DEPDC7: variants seen among roughly 807,000 people sequenced by gnomAD.
DEPDC7 encodes the protein DEP domain containing 7.
A neutral mutation model predicts 56.6 loss-of-function variants in DEPDC7; 41 were observed. The ratio of observed to expected loss-of-function variants is 0.72; its 90% CI spans 0.56 to 0.94. DEPDC7 has a LOEUF of 0.94. DEPDC7 is among the 40% of genes least tolerant of loss of function. The pLI is 0.00. For synonymous variants in DEPDC7, 185 were observed against 208.8 expected (o/e 0.89, Z 0.98); for missense variants, 522 against 596.3 (o/e 0.88, Z 1.30).
intron 1 of DEPDC7, 97 bp downstream of exon 1, chr11:33,016,125 G>C (rs1590205190): frequency 4.8e-6 from 6 of 1,240,798 alleles, no homozygotes; most frequent in Non-Finnish European, 6.0e-6. Flanking sequence ...GCGTTCGGCC[G>C]CCTGCGCCTG....
At chr11:33,031,258 A>G in intron 4 of DEPDC7, 120 bp from the exon 5 acceptor site, 1 of 698,392 alleles carries the variant, frequency 1.4e-6, no homozygotes, top group East Asian at 2.7e-5. Flanking sequence ...GCTCATGTAG[A>G]AATTTATCCT....
intron 1 of DEPDC7, 111 bp downstream of exon 1, chr11:33,016,139 ACGGCCGGCTGGGCGAGCACAG>A (rs1189870027): frequency 8.1e-7 from 1 of 1,235,454 alleles, no homozygotes; most frequent in African/African-American, 1.6e-5. Flanking sequence ...GCGCCTGTCA[ACGGCCGGCTGGGCGAGCACAG>A]CACAGCTGCG....
chr11:33,033,126 T>C (rs113112527), intron 8 of DEPDC7, 136 bp from the exon 9 acceptor site: 14 of 873,844 alleles, frequency 1.6e-5, no homozygotes, highest in African/African-American at 8.6e-5. Context: ...TGTTAGAAAG[T>C]CAGCAGTGCT....
At chr11:33,018,638 A>G (rs556021114) in intron 1 of DEPDC7, among the ~76,000 whole-genome samples, 1 of 152,322 alleles carries the variant, frequency 6.6e-6, no homozygotes, top group Admixed American at 6.5e-5. Context: ...AAGAGGAAGA[A>G]AGATACCTCC....
Position 33,025,952 on chromosome 11 carries a change from A to G in DEPDC7, c.367A>G (p.Thr123Ala). Reference protein sequence around the residue: ...TKVFGKDKKPTFEDSSCSLYR... With the variant: ...TKVFGKDKKPAFEDSSCSLYR... ...AGTCTTTGGAAAAGACAAAAAACCTACATTTGAAGATAGTAGTTGCAGCCT... is the reference window on the plus strand; with the variant it reads ...AGTCTTTGGAAAAGACAAAAAACCTGCATTTGAAGATAGTAGTTGCAGCCT... Residue 123 changes from threonine (T) to alanine (A), a missense_variant, in exon 2 of 9, where the codon ACA (threonine) becomes GCA (alanine). By Grantham distance (58) the Thr-to-Ala change is moderately conservative (BLOSUM62 0). Transcript: ENST00000241051. 2 of 1,614,140 alleles carry G rather than the reference A, an allele frequency of 1.2e-6. No homozygotes were observed. The highest frequency in any genetic ancestry group is 1.3e-5 in the African/African-American group (1 of 75,042).
Position 33,031,392 on chromosome 11 carries a change from T to C in DEPDC7, c.797T>C (p.Leu266Pro). ...AYSDSQEDEW[L>P]SAAIDCLEYL... ...CTCCCCTATAGGGAAGATGAGTGGC[T>C]CTCGGCAGCAATTGACTGTTTAGAA... is the stretch of plus-strand genomic sequence containing the variant. Residue 266 changes from leucine to proline, a missense_variant, in exon 5 of 9, where the codon CTC (leucine) becomes CCC (proline). Coordinates refer to ENST00000241051, the MANE Select transcript of DEPDC7 (RefSeq NM_001077242.2). 1 of 1,614,094 alleles carries C rather than the reference T, an allele frequency of 6.2e-7. No homozygotes were observed. The highest frequency in any genetic ancestry group is 1.1e-5 in the South Asian group (1 of 91,084).
chr11:33,018,135 T>C (rs1308344882), intron 1 of DEPDC7, among the ~76,000 whole-genome samples: 1 of 152,216 alleles, frequency 6.6e-6, no homozygotes, highest in African/African-American at 2.4e-5. Flanking sequence ...GCATGACGCC[T>C]CTAATGCCAA....
chr11:33,025,791 C>G lies in DEPDC7; in HGVS notation c.206C>G (p.Ser69Ter). 6.2e-7 allele frequency: 1 copy of G among 1,614,158 alleles called. No homozygotes were observed. Among genetic ancestry groups the G allele is most frequent in the Non-Finnish European group, 8.5e-7 (1 of 1,180,030 alleles). ...LKRHNDCFVG[S>*]EAVDVIFSHL... ...CGACATAATGACTGCTTTGTTGGTT[C>G]AGAAGCTGTGGATGTCATTTTTTCT... The change falls in exon 2 of 9, where the codon TCA (serine) becomes TGA (stop). Residue 69 changes from serine to a stop codon, truncating the protein, a stop_gained. Transcript: ENST00000241051. LOFTEE classifies it high-confidence loss of function.
chr11:33,027,740 C>G lies in DEPDC7; in HGVS notation c.519C>G (p.Asp173Glu), dbSNP rs757109741. 9 of 1,576,500 alleles carry G rather than the reference C, an allele frequency of 5.7e-6. No individual in the cohort carries two copies. Among genetic ancestry groups the G allele is most frequent in the Non-Finnish European group, 6.9e-6 (8 of 1,166,530 alleles). ...SSDIRSASLE[D>E]LWENLSLKPA... is the part of the protein sequence containing the mutation. ...ATATCAGATCAGCCAGTTTAGAGGA[C>G]CTGTGGGAAAATCTGAGTTTAAAGC... Residue 173 changes from aspartate (D) to glutamate (E), a missense_variant, in exon 3 of 9, where the codon GAC becomes GAG. Physicochemically the swap from Asp to Glu is conservative, Grantham distance 45. Transcript: ENST00000241051.
Position 33,031,560 on chromosome 11 carries a change from A to T in DEPDC7, c.965A>T (p.Asp322Val). 6.2e-7 allele frequency: 1 copy of T among 1,613,816 alleles called. No homozygotes were observed. The highest frequency in any genetic ancestry group is 1.1e-5 in the South Asian group (1 of 91,078). ...SREPLLNHLS[D>V]VHNGIAELLV... is the part of the protein sequence containing the mutation. Reference sequence around the variant, plus strand: ...GAACCTCTGTTAAATCACTTATCTGACGTTCATAATGGAATTGCAGAACTC... The same window carrying T: ...GAACCTCTGTTAAATCACTTATCTGTCGTTCATAATGGAATTGCAGAACTC... The change falls in exon 5 of 9, where the codon GAC becomes GTC. Residue 322 changes from aspartate to valine, a missense_variant. Transcript: ENST00000241051.
chr11:33,031,622 T>C, intron 5 of DEPDC7, 33 bp downstream of exon 5: 1 of 1,552,270 alleles, frequency 6.4e-7, no homozygotes, highest in Middle Eastern at 1.7e-4. Context: ...CTAGCATTTA[T>C]CTTTTGGAGG....
chr11:33,019,878 CTTT>C (rs77915754), intron 1 of DEPDC7, among the ~76,000 whole-genome samples: 12 of 128,738 alleles, frequency 9.3e-5, no homozygotes, highest in Non-Finnish European at 1.0e-4. Context: ...GATTCAGTTC[CTTT>C]TTTTTTTTTT....
chr11:33,033,198 GA>G, intron 8 of DEPDC7, 63 bp from the exon 9 acceptor site: 1 of 1,265,178 alleles, frequency 7.9e-7, no homozygotes, highest in Non-Finnish European at 1.1e-6. Context: ...AATATTGCTT[GA>G]TTTTTCTGCT....
At chr11:33,016,206 C>T (rs891300049) in intron 1 of DEPDC7, 178 bp downstream of exon 1, 26 of 1,279,382 alleles carry the variant, frequency 2.0e-5, no homozygotes, top group Non-Finnish European at 2.6e-5. Flanking sequence ...GCGGGCGGAT[C>T]GAGTTCCTCT....
At chr11:33,026,945 A>T (rs567301065) in intron 2 of DEPDC7, among the ~76,000 whole-genome samples, 10 of 152,180 alleles carry the variant, frequency 6.6e-5, no homozygotes, top group Non-Finnish European at 1.3e-4. Flanking sequence ...ACATGTTTTG[A>T]CCCAAACTAA....
chr11:33,019,145 T>A (rs1853496727), intron 1 of DEPDC7, among the ~76,000 whole-genome samples: 1 of 152,182 alleles, frequency 6.6e-6, no homozygotes. Flanking sequence ...CAAGTTTCCA[T>A]GTCTGAACAG....
intron 1 of DEPDC7, among the ~76,000 whole-genome samples, chr11:33,021,256 A>T (rs1223559906): frequency 6.6e-6 from 1 of 151,968 alleles, no homozygotes; most frequent in African/African-American, 2.4e-5. Flanking sequence ...TCTCAAAAAA[A>T]AAAAAAGAAA....
Position 33,027,857 on chromosome 11 carries a change from C to A in DEPDC7, c.592+44C>A, listed in dbSNP as rs556952265. ...AAAGTAAGAAGTAGAAGACAAACTT[C>A]AAAGTTATTTAAAATTTTTTAATCT... On this transcript the variant is annotated intron_variant, in intron 3 of 8. Transcript: ENST00000241051. 2.3e-5 allele frequency: 34 copies of A among 1,471,946 alleles called. No individual in the cohort carries two copies. In the African/African-American group the frequency reaches 4.3e-4, roughly 18 times the overall value. 91.2% of individuals were successfully genotyped at this position (1,471,946 alleles called of 1,614,324 possible).
At chr11:33,028,355 A>G (rs1590209264) in intron 3 of DEPDC7, 1 of 355,300 alleles carries the variant, frequency 2.8e-6, no homozygotes, top group Admixed American at 4.4e-5. Context: ...TTGATCTCTT[A>G]TCTCTGACAG....
Sources: allele counts gnomAD v4.1 joint callset (sites outside exome capture counted in the v4.1 genomes callset), GRCh38; gene constraint gnomAD v4.1.1; transcripts MANE v1.5; gene names NCBI Gene and HGNC (gene_info 2026-07-23, HGNC 2026-07-21).